Variants in DCC observed in about 807,000 individuals in gnomAD.
DCC encodes the protein DCC netrin 1 receptor, also known as netrin receptor DCC.
In DCC, 58 loss-of-function variants were observed where a neutral mutation model predicts 172.5. That is an observed-to-expected ratio of 0.34 (90% CI 0.27 to 0.42). DCC has a LOEUF of 0.42. DCC is among the 10% of genes least tolerant of loss of function. The probability of loss-of-function intolerance (pLI) is 1.00; values close to 1 mark genes in which losing one functional copy is unlikely to be tolerated. For missense variants in DCC, 1,740 were observed against 1,791.0 expected (o/e 0.97, Z 0.51); for synonymous variants, 709 against 644.5 (o/e 1.10, Z -1.52).
chr18:52,695,283 T>C (rs1175258841), intron 1 of DCC, among the ~76,000 whole-genome samples: 1 of 152,194 alleles, frequency 6.6e-6, no homozygotes, highest in Non-Finnish European at 1.5e-5. Flanking sequence ...ATGAGAATAA[T>C]TGAACACATA....
chr18:52,858,225 T>C (rs2039083739), intron 2 of DCC, among the ~76,000 whole-genome samples: 1 of 152,178 alleles, frequency 6.6e-6, no homozygotes, highest in Non-Finnish European at 1.5e-5. Flanking sequence ...GATGGAGAAA[T>C]GGAGTATTGC....
At chr18:53,287,331 A>G (rs1031811213) in intron 12 of DCC, among the ~76,000 whole-genome samples, 12 of 152,304 alleles carry the variant, frequency 7.9e-5, no homozygotes, top group African/African-American at 1.4e-4. Flanking sequence ...TTTGATGGCT[A>G]AATTAATATT....
At chr18:53,057,858 G>C (rs952231558) in intron 5 of DCC, among the ~76,000 whole-genome samples, 1 of 151,950 alleles carries the variant, frequency 6.6e-6, no homozygotes, top group Non-Finnish European at 1.5e-5. Context: ...TATGCTTCAG[G>C]CTCCATCTTT....
At chr18:53,340,336 T>C (rs1248474059) in intron 15 of DCC, among the ~76,000 whole-genome samples, 1 of 152,206 alleles carries the variant, frequency 6.6e-6, no homozygotes, top group Non-Finnish European at 1.5e-5. Context: ...AATTTTTCTT[T>C]AACCTTGAAA....
intron 1 of DCC, among the ~76,000 whole-genome samples, chr18:52,732,018 C>T (rs1435562106): frequency 6.6e-6 from 1 of 152,058 alleles, no homozygotes; most frequent in African/African-American, 2.4e-5. Context: ...GAAAAATTCC[C>T]ACTCCCAATA....
chr18:52,756,611 T>C (rs2037079805), intron 2 of DCC, among the ~76,000 whole-genome samples: 2 of 152,244 alleles, frequency 1.3e-5, no homozygotes, highest in Admixed American at 6.5e-5. Context: ...AATATTCAAG[T>C]GCCACTTAAA....
intron 7 of DCC, among the ~76,000 whole-genome samples, chr18:53,123,834 A>G (rs895734051): frequency 2.0e-5 from 3 of 151,924 alleles, no homozygotes; most frequent in African/African-American, 7.3e-5. Flanking sequence ...TTTTCTTGCT[A>G]TACCCGTCTC....
chr18:53,235,372 T>A (rs997927223), intron 12 of DCC, among the ~76,000 whole-genome samples: 1 of 152,184 alleles, frequency 6.6e-6, no homozygotes, highest in Non-Finnish European at 1.5e-5. Flanking sequence ...TAGAATGACA[T>A]GTGATGCTTG....
intron 1 of DCC, among the ~76,000 whole-genome samples, chr18:52,411,181 A>C (rs888562185): frequency 6.6e-6 from 1 of 152,134 alleles, no homozygotes; most frequent in African/African-American, 2.4e-5. Context: ...AGGATTTCAT[A>C]TGCGGACTGC....
chr18:52,735,330 A>T (rs1258693005), intron 1 of DCC, among the ~76,000 whole-genome samples: 3 of 152,162 alleles, frequency 2.0e-5, no homozygotes, highest in Non-Finnish European at 4.4e-5. Flanking sequence ...GTTATTTGGG[A>T]TATCATAGAA....
At chr18:53,093,143 G>A (rs188767750) in intron 7 of DCC, among the ~76,000 whole-genome samples, 25 of 152,204 alleles carry the variant, frequency 1.6e-4, no homozygotes, top group South Asian at 4.2e-4. Context: ...TTAGCTGGGC[G>A]TGGGGGTGCA....
rs544446420 is a variant in DCC at position 53,431,423 on chromosome 18, T to TA, written c.3164-3721_3164-3720insA. Among the ~76,000 whole-genome samples the TA allele has an allele frequency of 4.6e-5, 7 of 152,226 alleles. No individual in the cohort carries two copies. In the East Asian group the frequency reaches 9.6e-4, roughly 21 times the overall value. The stretch of plus-strand genomic sequence containing the variant: ...GGGTACATAGTAATCCAATACAGAA[T>TA]TCTTCTTTATATCCTGTAGAATTAT... On this transcript the variant is annotated intron_variant, in intron 21 of 28. Transcript: ENST00000442544.
Position 52,802,350 on chromosome 18 carries a change from G to A in DCC, c.412+49976G>A, listed in dbSNP as rs577062141. Among the ~76,000 whole-genome samples the A allele has an allele frequency of 2.0e-5, 3 of 152,138 alleles. No homozygotes were observed. In the East Asian group the frequency reaches 5.8e-4, roughly 29 times the overall value. Reference sequence around the variant, plus strand: ...TTAGGCTACAGAAGGAATTTAAGGTGTGTGTTTTTGTATATATACATATAC... The same window carrying A: ...TTAGGCTACAGAAGGAATTTAAGGTATGTGTTTTTGTATATATACATATAC... On this transcript the variant is annotated intron_variant, in intron 2 of 28. Coordinates refer to ENST00000442544, the MANE Select transcript of DCC (RefSeq NM_005215.4).
intron 7 of DCC, among the ~76,000 whole-genome samples, chr18:53,097,961 G>A (rs571942691): frequency 1.3e-5 from 2 of 152,164 alleles, no homozygotes; most frequent in South Asian, 4.1e-4. Context: ...GGGGGTTAGA[G>A]CTTCAACGTA....
At chr18:52,855,763 CTTTT>C (rs71175526) in intron 2 of DCC, among the ~76,000 whole-genome samples, 5 of 121,240 alleles carry the variant, frequency 4.1e-5, no homozygotes, top group Non-Finnish European at 5.1e-5. Context: ...CGTATAAATT[CTTTT>C]TTTTTTTTTT....
At chr18:52,859,446 G>A (rs750725789) in intron 2 of DCC, among the ~76,000 whole-genome samples, 8 of 152,172 alleles carry the variant, frequency 5.3e-5, no homozygotes, top group African/African-American at 1.4e-4. Context: ...TCAGAAGCTC[G>A]TATACAATCT....
At chr18:52,613,480 C>T (rs1242864096) in intron 1 of DCC, among the ~76,000 whole-genome samples, 1 of 152,174 alleles carries the variant, frequency 6.6e-6, no homozygotes, top group Non-Finnish European at 1.5e-5. Context: ...TGGTCTTGAT[C>T]TCCTGACCTT....
chr18:53,135,602 G>T (rs1224009627), intron 7 of DCC, among the ~76,000 whole-genome samples: 1 of 152,106 alleles, frequency 6.6e-6, no homozygotes, highest in East Asian at 1.9e-4. Flanking sequence ...GCTGACAGCT[G>T]CTTTCAACTG....
At chr18:52,863,187 C>T (rs1425856185) in intron 2 of DCC, among the ~76,000 whole-genome samples, 1 of 151,876 alleles carries the variant, frequency 6.6e-6, no homozygotes, top group Non-Finnish European at 1.5e-5. Flanking sequence ...ATGAAAACCA[C>T]ATTCTCATGC....
Sources: allele counts gnomAD v4.1 joint callset (sites outside exome capture counted in the v4.1 genomes callset), GRCh38; gene constraint gnomAD v4.1.1; transcripts MANE v1.5; gene names NCBI Gene and HGNC (gene_info 2026-07-23, HGNC 2026-07-21).